Variants in PLEKHG4B observed in about 807,000 individuals in gnomAD.
PLEKHG4B encodes the protein pleckstrin homology domain-containing family G member 4B.
A neutral mutation model predicts 121.3 loss-of-function variants in PLEKHG4B; 111 were observed. The observed-to-expected ratio is 0.92, with a 90% CI of 0.78 to 1.07. The LOEUF is 1.07. Ranked by LOEUF, PLEKHG4B falls within the 50% of genes least tolerant of loss-of-function variation. PLEKHG4B has a pLI of 0.00. For missense variants in PLEKHG4B, 1,831 were observed against 1,757.8 expected (o/e 1.04, Z -0.74); for synonymous variants, 738 against 725.0 (o/e 1.02, Z -0.29).
intron 1 of PLEKHG4B, among the ~76,000 whole-genome samples, chr5:109,768 C>T (rs1440966350): frequency 2.0e-5 from 3 of 152,340 alleles, no homozygotes; most frequent in Non-Finnish European, 2.9e-5. Flanking sequence ...CCTGCTCTAC[C>T]GCCACCGCCC....
At chr5:154,454 T>G (rs1294302649) in intron 7 of PLEKHG4B, among the ~76,000 whole-genome samples, 2 of 152,066 alleles carry the variant, frequency 1.3e-5, no homozygotes, top group Non-Finnish European at 2.9e-5. Flanking sequence ...TGGCCCCGCA[T>G]GCATCAGGTG....
At chr5:171,940 G>A (rs1208741179) in intron 16 of PLEKHG4B, among the ~76,000 whole-genome samples, 1 of 152,214 alleles carries the variant, frequency 6.6e-6, no homozygotes, top group South Asian at 2.1e-4. Flanking sequence ...CTCTGCGGGG[G>A]TTGTGCAGCT....
chr5:131,294 T>C (rs1410687597), intron 2 of PLEKHG4B, among the ~76,000 whole-genome samples: 1 of 152,182 alleles, frequency 6.6e-6, no homozygotes, highest in African/African-American at 2.4e-5. Context: ...TGGTGTGTGA[T>C]ATTCTCCGCC....
rs544074090 is a variant in PLEKHG4B, at chr5:92,254, G to C, written c.23G>C (p.Gly8Ala). The part of the protein sequence containing the change: MGFSTAD[G>A]GGGPGARDLE... ...AGCATGGGTTTCAGCACAGCAGACG[G>C]CGGGGGCGGCCCAGGCGCCCGGGTA... Residue 8 changes from glycine to alanine, a missense_variant, in exon 1 of 20, where the codon GGC (glycine) becomes GCC (alanine). Gly to Ala is a moderately conservative substitution (Grantham distance 60). Coordinates refer to ENST00000637938, the MANE Select transcript of PLEKHG4B (RefSeq NM_052909.5). 1 of 341,204 alleles carries C rather than the reference G, an allele frequency of 2.9e-6. No homozygotes were observed. Among genetic ancestry groups the C allele is most frequent in the South Asian group, 1.6e-4 (1 of 6,296 alleles). The allele number at this position is 341,204 out of a possible 1,614,324, so 21.1% of individuals were successfully genotyped here. A position where few individuals can be genotyped will look rare whatever the true frequency, so the allele number is the denominator to read the frequency against.
intron 6 of PLEKHG4B, among the ~76,000 whole-genome samples, chr5:150,682 C>T (rs1322494906): frequency 3.3e-5 from 5 of 152,206 alleles, no homozygotes; most frequent in African/African-American, 7.2e-5. Context: ...ATATGCCTAA[C>T]GTCATTAATC....
At chr5:165,069 C>G (rs1214879963) in intron 13 of PLEKHG4B, among the ~76,000 whole-genome samples, 10 of 107,638 alleles carry the variant, frequency 9.3e-5, no homozygotes, top group African/African-American at 1.8e-4. Context: ...GGAGCTCACA[C>G]TAATGCTCTG....
intron 2 of PLEKHG4B, among the ~76,000 whole-genome samples, chr5:115,777 T>A (rs4283836): frequency 2.5e-3 from 375 of 152,330 alleles, no homozygotes; most frequent in African/African-American, 8.4e-3. Flanking sequence ...TCCTCACCTC[T>A]CTCAGCCTTC....
intron 2 of PLEKHG4B, among the ~76,000 whole-genome samples, chr5:133,478 G>A (rs1326877247): frequency 1.3e-5 from 2 of 152,124 alleles, no homozygotes; most frequent in East Asian, 1.9e-4. Context: ...CTAAGGACAT[G>A]AATAGACAAT....
intron 7 of PLEKHG4B, among the ~76,000 whole-genome samples, chr5:152,750 C>G (rs1735647546): frequency 6.6e-6 from 1 of 152,152 alleles, no homozygotes; most frequent in African/African-American, 2.4e-5. Context: ...CCACACAAAT[C>G]TCCTCTCAAA....
chr5:140,538 TCCCAGGAGATCTCGGTCCTGGGA>T lies in PLEKHG4B; in HGVS notation c.1300_1322del (p.Pro434LysfsTer150). 1 of 1,601,884 alleles carries T rather than the reference TCCCAGGAGATCTCGGTCCTGGGA, an allele frequency of 6.2e-7. No homozygotes were observed. The highest frequency in any genetic ancestry group is 2.2e-5 in the East Asian group (1 of 44,472). On this transcript the variant is annotated frameshift_variant, in exon 3 of 20. Transcript: ENST00000637938. LOFTEE classifies it high-confidence loss of function. ...GTCCAGGAGCTGCAGGGCGGACTCT[TCCCAGGAGATCTCGGTCCTGGGA>T]AAGGGCACCCAGAAGCTCCAGAGGG...
rs1735296669 is a variant in PLEKHG4B at position 143,386 on chromosome 5, G to A, written c.1694G>A (p.Arg565Gln). 2.5e-6 allele frequency: 4 copies of A among 1,612,384 alleles called. No homozygotes were observed. The highest frequency in any genetic ancestry group is 3.4e-6 in the Non-Finnish European group (4 of 1,179,758). Residue 565 changes from arginine to glutamine, a missense_variant, in exon 5 of 20, where the codon CGA becomes CAA. By Grantham distance (43) the Arg-to-Gln change is conservative. Coordinates refer to ENST00000637938, the MANE Select transcript of PLEKHG4B (RefSeq NM_052909.5). Reference sequence around the variant, plus strand: ...CCTGTCTCTGTCTCCGCAGGGACCCGAGACCGTCATGGCAGAGCAGTGGTG... The same window carrying A: ...CCTGTCTCTGTCTCCGCAGGGACCCAAGACCGTCATGGCAGAGCAGTGGTG... ...QSGVVTLPGTRDRHGRAVVQV... is the reference protein window; with the variant it reads ...QSGVVTLPGTQDRHGRAVVQV...
intron 11 of PLEKHG4B, among the ~76,000 whole-genome samples, chr5:161,200 G>A (rs367667524): frequency 2.6e-5 from 4 of 152,232 alleles, no homozygotes; most frequent in Non-Finnish European, 5.9e-5. Context: ...AGCCACAGGC[G>A]CTCCGTCCAG....
chr5:101,534 GTTAA>G (rs1733812149), intron 1 of PLEKHG4B, among the ~76,000 whole-genome samples: 1 of 131,112 alleles, frequency 7.6e-6, no homozygotes, highest in Non-Finnish European at 1.5e-5. Context: ...CTGTTGTGAG[GTTAA>G]TCCATATAAA....
chr5:123,407 A>C (rs900069036), intron 2 of PLEKHG4B, among the ~76,000 whole-genome samples: 3 of 152,200 alleles, frequency 2.0e-5, no homozygotes, highest in Non-Finnish European at 4.4e-5. Flanking sequence ...GTTAGGAAGT[A>C]TTCCCTCCTC....
Position 139,257 on chromosome 5 carries a change from A to G in PLEKHG4B, c.244-226A>G, listed in dbSNP as rs746394029. The stretch of plus-strand genomic sequence containing the variant: ...CTACCCCCAGCCTCCAGGAAGAGCT[A>G]TACAATTGCTTTTTTAACTGACCCC... On this transcript the variant is annotated intron_variant, in intron 2 of 19. Coordinates refer to ENST00000637938, the MANE Select transcript of PLEKHG4B (RefSeq NM_052909.5). This position sits in a 1 kb window ranked among gnomAD's most constrained non-coding sequence, Gnocchi z 5.0. Among the ~76,000 whole-genome samples, 1 of 152,150 alleles carries G rather than the reference A, an allele frequency of 6.6e-6. No homozygotes were observed. Among genetic ancestry groups the G allele is most frequent in the African/African-American group, 2.4e-5 (1 of 41,440 alleles).
intron 8 of PLEKHG4B, 129 bp from the exon 9 acceptor site, chr5:155,215 AG>A: frequency 1.1e-6 from 1 of 909,066 alleles, no homozygotes; most frequent in Non-Finnish European, 1.8e-6. Context: ...TGTAGATCTC[AG>A]GGATCTTCAC....
chr5:160,955 G>T (rs1735980762), intron 11 of PLEKHG4B, among the ~76,000 whole-genome samples: 1 of 152,134 alleles, frequency 6.6e-6, no homozygotes, highest in Non-Finnish European at 1.5e-5. Context: ...CGTATGTGCT[G>T]GTCTGTCTCT....
intron 5 of PLEKHG4B, among the ~76,000 whole-genome samples, chr5:144,596 G>T (rs961845270): frequency 5.3e-5 from 8 of 152,282 alleles, no homozygotes; most frequent in African/African-American, 1.9e-4. Flanking sequence ...AGCCCCATGT[G>T]CCCAGAGACA....
At chr5:123,520 G>T (rs538641836) in intron 2 of PLEKHG4B, among the ~76,000 whole-genome samples, 63 of 152,162 alleles carry the variant, frequency 4.1e-4, no homozygotes, top group African/African-American at 1.4e-3. Flanking sequence ...TTTGTTAAAA[G>T]ATTTTTAAAT....
Sources: allele counts gnomAD v4.1 joint callset (sites outside exome capture counted in the v4.1 genomes callset), GRCh38; gene constraint gnomAD v4.1.1; non-coding constraint Gnocchi (gnomAD v3.1); transcripts MANE v1.5; gene names NCBI Gene and HGNC (gene_info 2026-07-23, HGNC 2026-07-21).